Variants in POMGNT1 observed in about 807,000 individuals in gnomAD.
POMGNT1 encodes the protein protein O-linked mannose N-acetylglucosaminyltransferase 1 (beta 1,2-), also known as protein O-linked-mannose beta-1,2-N-acetylglucosaminyltransferase 1.
Under a neutral mutation model 95.6 loss-of-function variants are expected in POMGNT1, and 67 were observed. That is an observed-to-expected ratio of 0.70 (90% CI 0.58 to 0.86). The LOEUF (loss-of-function observed/expected upper bound fraction) is 0.86, where lower values mean the gene tolerates loss of function less well. Among genes scored for constraint, POMGNT1 ranks in the 40% least tolerant of loss-of-function variants. The pLI is 0.00. For synonymous variants in POMGNT1, 298 were observed against 317.9 expected (o/e 0.94, Z 0.66); for missense variants, 719 against 855.2 (o/e 0.84, Z 1.99).
At position 46,190,700 on chromosome 1, in the gene POMGNT1, G is replaced by T; in HGVS notation, c.1604+20C>A. 3 of 1,604,592 alleles carry T rather than the reference G, an allele frequency of 1.9e-6. No individual in the cohort carries two copies. Among genetic ancestry groups the T allele is most frequent in the Non-Finnish European group, 2.6e-6 (3 of 1,172,366 alleles). On this transcript the variant is annotated intron_variant, in intron 18 of 21. Transcript: ENST00000371984. ...CAAATCTCCTAGATATCCACCCCTT[G>T]CCCTGCTGCCAGCCCCAACCTGTCC...
intron 1 of POMGNT1, among the ~76,000 whole-genome samples, chr1:46,204,717 C>T (rs1021936330): frequency 3.3e-5 from 5 of 152,138 alleles, no homozygotes; most frequent in African/African-American, 9.7e-5. Flanking sequence ...TGCACTTGGC[C>T]TTGAAGGTTG....
Position 46,189,980 on chromosome 1 carries a change from C to G in POMGNT1, c.1659G>C (p.Glu553Asp), listed in dbSNP as rs750115605. The change falls in exon 20 of 22, where the codon GAG becomes GAC. Residue 553 changes from glutamate to aspartate, a missense_variant. Glu to Asp is a conservative substitution (Grantham distance 45). Transcript: ENST00000371984. ...VEVHRLLSEA[E>D]VLDHSKNPCE... ...AAGGGTTCTTGCTGTGGTCCAGAAC[C>G]TCAGCCTCACTGCAGTAGAGGGTGG... 2.5e-6 allele frequency: 4 copies of G among 1,614,038 alleles called. No homozygotes were observed. The highest frequency in any genetic ancestry group is 3.4e-6 in the Non-Finnish European group (4 of 1,180,014).
chr1:46,203,224 A>C, upstream of POMGNT1: 1 of 388,274 alleles, frequency 2.6e-6, no homozygotes, highest in Non-Finnish European at 4.6e-6. Context: ...ATCCAGGGCC[A>C]GAGGTTGTGT....
rs1422575134 is a variant in POMGNT1 at position 46,196,727 on chromosome 1, T to C, written c.354+4A>G. On this transcript the variant is annotated splice_donor_region_variant and intron_variant, in intron 4 of 21. Transcript: ENST00000371984. The surrounding 1 kb of genome is among the most constrained non-coding windows in gnomAD (Gnocchi z 4.4). ...GACTGTACACCAGACCCTGGCCCACTGACCGTGGTGCCATCCACTGCCACA... is the reference window on the plus strand; with the variant it reads ...GACTGTACACCAGACCCTGGCCCACCGACCGTGGTGCCATCCACTGCCACA... 1 of 1,614,144 alleles carries C rather than the reference T, an allele frequency of 6.2e-7. No individual in the cohort carries two copies. Among genetic ancestry groups the C allele is most frequent in the Admixed American group, 1.7e-5 (1 of 60,034 alleles).
chr1:46,203,483 G>A, intron 1 of POMGNT1: 1 of 1,531,146 alleles, frequency 6.5e-7, no homozygotes, highest in Non-Finnish European at 8.8e-7. Context: ...AGGGTAAGGT[G>A]GGCAGGAAGA....
At chr1:46,200,886 C>T (rs1256293881), upstream of POMGNT1, among the ~76,000 whole-genome samples, 6 of 152,350 alleles carry the variant, frequency 3.9e-5, no homozygotes, top group African/African-American at 9.6e-5. Flanking sequence ...CCTGTAATCC[C>T]GGCACTTTGG....
intron 1 of POMGNT1, among the ~76,000 whole-genome samples, chr1:46,216,665 G>T (rs189572197): frequency 6.4e-4 from 97 of 152,158 alleles, no homozygotes; most frequent in Middle Eastern, 3.4e-3. Context: ...AGATTCGGAG[G>T]GGGGTACCTG....
chr1:46,197,188 T>C (rs894876862), intron 2 of POMGNT1, 104 bp from the exon 3 acceptor site: 11 of 1,603,158 alleles, frequency 6.9e-6, no homozygotes, highest in Non-Finnish European at 7.6e-6. Flanking sequence ...CCAGAGAAAC[T>C]GGGTCCTGTC....
At chr1:46,193,797 G>A in intron 10 of POMGNT1, 58 bp downstream of exon 10, 10 of 1,608,874 alleles carry the variant, frequency 6.2e-6, no homozygotes, top group Non-Finnish European at 8.5e-6. Flanking sequence ...CCTCCTGGAG[G>A]TAGATGACCT....
intron 1 of POMGNT1, among the ~76,000 whole-genome samples, chr1:46,209,444 A>G (rs1441995897): frequency 6.6e-6 from 1 of 152,112 alleles, no homozygotes; most frequent in African/African-American, 2.4e-5. Context: ...TTTAAAAGTC[A>G]TATTCTAAGA....
intron 6 of POMGNT1, 181 bp downstream of exon 6, chr1:46,195,630 T>C: frequency 1.4e-6 from 1 of 693,606 alleles, no homozygotes; most frequent in Non-Finnish European, 2.6e-6. Context: ...GTACCTGGCA[T>C]ACAGCTGTTG....
rs11552406 is a variant in POMGNT1 at position 46,188,914 on chromosome 1, C to A, written c.*356G>T. ...TCCAGCCCAAAAAGAAATCCAGGCC[C>A]TCCAGGTTCGGCCTGTTTTCAAGGC... is the stretch of plus-strand genomic sequence containing the variant. On this transcript the variant is annotated 3_prime_UTR_variant, in exon 22 of 22. Transcript: ENST00000371984. 6.2e-7 allele frequency: 1 copy of A among 1,612,834 alleles called. No homozygotes were observed. Among genetic ancestry groups the A allele is most frequent in the African/African-American group, 1.3e-5 (1 of 75,022 alleles).
intron 1 of POMGNT1, among the ~76,000 whole-genome samples, chr1:46,203,960 T>C (rs1658631804): frequency 6.6e-6 from 1 of 152,058 alleles, no homozygotes; most frequent in Admixed American, 6.5e-5. Flanking sequence ...CCCGCCTGTA[T>C]GGGCCACCTA....
In POMGNT1 at chr1:46,188,856, G is replaced by C; in HGVS notation, c.*414C>G. The C allele has an allele frequency of 6.2e-7, 1 of 1,612,900 alleles. No individual in the cohort carries two copies. Among genetic ancestry groups the C allele is most frequent in the Non-Finnish European group, 8.5e-7 (1 of 1,179,896 alleles). On this transcript the variant is annotated 3_prime_UTR_variant, in exon 22 of 22. Transcript: ENST00000371984. ...CATGGGTTGGGCACAGCAGTTTCCT[G>C]AGTAAGAGCCAGCCCCACCCTCAGG...
At chr1:46,199,678 G>A (rs890669980), upstream of POMGNT1, among the ~76,000 whole-genome samples, 2 of 152,182 alleles carry the variant, frequency 1.3e-5, no homozygotes, top group Non-Finnish European at 2.9e-5. Context: ...TGGAGAATGG[G>A]TTGGAAGCAG....
chr1:46,196,974 G>T lies in POMGNT1; in HGVS notation c.231C>A (p.Asp77Glu). Reference sequence around the variant, plus strand: ...CCATCCTTAGCCTAGCCCTACCATAGTCTTGCTCTGGCTCTGGGTCTTCAT... The same window carrying T: ...CCATCCTTAGCCTAGCCCTACCATATTCTTGCTCTGGCTCTGGGTCTTCAT... ...EANEDPEPEQ[D>E]YDEALGRLEP... The change falls in exon 3 of 22, where the codon GAC becomes GAA. Residue 77 changes from aspartate to glutamate, a missense_variant. Asp to Glu is a conservative substitution (Grantham distance 45). Coordinates refer to ENST00000371984, the MANE Select transcript of POMGNT1 (RefSeq NM_017739.4). This position sits in a 1 kb window ranked among gnomAD's most constrained non-coding sequence, Gnocchi z 4.4. The T allele has an allele frequency of 6.2e-7, 1 of 1,614,220 alleles. No homozygotes were observed. Among genetic ancestry groups the T allele is most frequent in the South Asian group, 1.1e-5 (1 of 91,078 alleles).
chr1:46,208,984 G>A (rs1287732156), intron 1 of POMGNT1, among the ~76,000 whole-genome samples: 2 of 152,180 alleles, frequency 1.3e-5, no homozygotes, highest in African/African-American at 4.8e-5. Flanking sequence ...CCTAAAAAAT[G>A]CTCAGTCCCG....
intron 1 of POMGNT1, among the ~76,000 whole-genome samples, chr1:46,212,168 A>G (rs1435755098): frequency 6.6e-6 from 1 of 152,190 alleles, no homozygotes; most frequent in Non-Finnish European, 1.5e-5. Flanking sequence ...TACAAAAAAC[A>G]TTTACTGTGT....
chr1:46,215,913 G>A (rs1310111676), intron 1 of POMGNT1, among the ~76,000 whole-genome samples: 1 of 151,872 alleles, frequency 6.6e-6, no homozygotes, highest in Non-Finnish European at 1.5e-5. Context: ...AATAAAATAC[G>A]ACAATGGAAC....
Sources: gnomAD v4.1 joint callset for allele counts (sites outside exome capture counted in the v4.1 genomes callset) on GRCh38, gnomAD v4.1.1 for gene constraint, Gnocchi (gnomAD v3.1) non-coding constraint, MANE v1.5 for transcripts, NCBI Gene and HGNC (gene_info 2026-07-23, HGNC 2026-07-21) for gene names.